The following CSE1L variants were observed in gnomAD, a reference collection of about 807,000 sequenced individuals.
The protein encoded by CSE1L is chromosome segregation 1 like.
Under a neutral mutation model 120.4 loss-of-function variants are expected in CSE1L, and 24 were observed. That is an observed-to-expected ratio of 0.20 (90% confidence interval 0.14 to 0.28). The LOEUF is 0.28. CSE1L is among the 10% of genes least tolerant of loss of function. The pLI is 1.00. For synonymous variants in CSE1L, 402 were observed against 398.3 expected (o/e 1.01, Z -0.11); for missense variants, 830 against 1,145.2 (o/e 0.72, Z 3.97).
chr20:49,057,063 C>T (rs917348914), intron 1 of CSE1L, among the ~76,000 whole-genome samples: 3 of 152,120 alleles, frequency 2.0e-5, no homozygotes, highest in African/African-American at 4.8e-5. Context: ...CGGTGGCTCA[C>T]GCCTGTAATC....
chr20:49,085,341 G>A lies in CSE1L; in HGVS notation c.1678G>A (p.Ala560Thr). Residue 560 changes from alanine (A) to threonine (T), a missense_variant, in exon 16 of 25, where the codon GCT becomes ACT. This residue lies in a region of CSE1L where 168 missense variants were observed against 267.9 expected (regional missense o/e 0.63). Coordinates refer to ENST00000262982, the MANE Select transcript of CSE1L (RefSeq NM_001316.4). ...VEILLTNLFK[A>T]LTLPGSSENE... The stretch of plus-strand genomic sequence containing the variant: ...GATTCTGCTAACAAACCTTTTCAAA[G>A]CTCTCACACTTCCTGGCTCTTCAGA... 1.2e-6 allele frequency: 2 copies of A among 1,613,908 alleles called. No individual in the cohort carries two copies. The highest frequency in any genetic ancestry group is 2.2e-5 in the East Asian group (1 of 44,870).
Position 49,065,586 on chromosome 20 carries a change from A to ATTTTTTTTTTTTT in CSE1L, c.229-592_229-580dup, listed in dbSNP as rs1169151375. Among the ~76,000 whole-genome samples, 63 of 76,354 alleles carry ATTTTTTTTTTTTT rather than the reference A, an allele frequency of 8.3e-4. 7 individuals are homozygous for ATTTTTTTTTTTTT. The highest frequency in any genetic ancestry group is 1.1e-3 in the Non-Finnish European group (47 of 42,632). The allele number at this position is 76,354 out of a possible 152,430, so 50.1% of individuals were successfully genotyped here. A position where few individuals can be genotyped will look rare whatever the true frequency, so the allele number is the denominator to read the frequency against. On this transcript the variant is annotated intron_variant, in intron 3 of 24. Transcript: ENST00000262982. ...CCATCGCACCTGGCCTAAAATGGAA[A>ATTTTTTTTTTTTT]TTTTTTTTTTTTTTTTTTTTTTTTT... is the stretch of plus-strand genomic sequence containing the variant.
chr20:49,051,265 G>C (rs1240795966), intron 1 of CSE1L, among the ~76,000 whole-genome samples: 1 of 152,248 alleles, frequency 6.6e-6, no homozygotes, highest in East Asian at 1.9e-4. Context: ...GTCCTTCCAG[G>C]CCGGGCACGG....
chr20:49,071,271 A>T (rs987274854), intron 8 of CSE1L, among the ~76,000 whole-genome samples: 1 of 152,218 alleles, frequency 6.6e-6, no homozygotes, highest in African/African-American at 2.4e-5. Context: ...ACTTTAAAAG[A>T]TGTAGCTCTC....
chr20:49,075,364 A>T lies in CSE1L; in HGVS notation c.1179A>T (p.Leu393Phe), dbSNP rs2091961871. ...RRAACDLVRG[L>F]CKFFEGPVTG... ...CTGCTTGTGATCTGGTACGAGGATTATGCAAGTTTTTTGAGGGACCTGTGA... is the reference window on the plus strand; with the variant it reads ...CTGCTTGTGATCTGGTACGAGGATTTTGCAAGTTTTTTGAGGGACCTGTGA... Residue 393 changes from leucine (L) to phenylalanine (F), a missense_variant, in exon 12 of 25, where the codon TTA (leucine) becomes TTT (phenylalanine). By Grantham distance (22) the Leu-to-Phe change is conservative. This residue lies in a region of CSE1L where 543 missense variants were observed against 640.2 expected (regional missense o/e 0.85). Coordinates refer to ENST00000262982, the MANE Select transcript of CSE1L (RefSeq NM_001316.4). 1 of 1,613,916 alleles carries T rather than the reference A, an allele frequency of 6.2e-7. No homozygotes were observed. Among genetic ancestry groups the T allele is most frequent in the Non-Finnish European group, 8.5e-7 (1 of 1,180,012 alleles).
chr20:49,087,388 C>T (rs1391032397), intron 16 of CSE1L, among the ~76,000 whole-genome samples: 3 of 138,222 alleles, frequency 2.2e-5, no homozygotes, highest in Non-Finnish European at 4.6e-5. Context: ...GAGGGAGTCT[C>T]GCTCTGTCTC....
intron 13 of CSE1L, 41 bp downstream of exon 13, chr20:49,077,105 C>G: frequency 1.7e-6 from 2 of 1,189,530 alleles, no homozygotes; most frequent in Non-Finnish European, 2.4e-6. Context: ...GCTTGCCACA[C>G]TATACCTGAA....
Position 49,075,445 on chromosome 20 carries a change from A to G in CSE1L, c.1260A>G (p.Pro420=). ...TGCTGCAGGAATACGCAAAAAATCC[A>G]TCTGTCAACTGGAAACACAAAGATG... The part of the protein sequence containing the change: ...NSMLQEYAKN[P]SVNWKHKDAA... Residue 420 remains proline (P), a synonymous_variant, in exon 12 of 25, where the codon CCA becomes CCG. Coordinates refer to ENST00000262982, the MANE Select transcript of CSE1L (RefSeq NM_001316.4). 3.1e-6 allele frequency: 5 copies of G among 1,614,138 alleles called. No homozygotes were observed. The East Asian group carries it at 8.9e-5, about 29-fold the overall frequency.
intron 2 of CSE1L, among the ~76,000 whole-genome samples, chr20:49,059,796 C>T (rs2091837696): frequency 6.6e-6 from 1 of 151,998 alleles, no homozygotes; most frequent in African/African-American, 2.4e-5. Flanking sequence ...AGGAGAATTG[C>T]TTGAACCTGG....
rs899186134 is a variant in CSE1L, at chr20:49,047,967, TTCTC to T, written c.-12+1549_-12+1552del. ...CAAGGACCTTGTCTGTCTTGCTTAC[TTCTC>T]TCTCCCTGGTGGGTGCCATCCCACC... is the stretch of plus-strand genomic sequence containing the variant. On this transcript the variant is annotated intron_variant, in intron 1 of 24. Transcript: ENST00000262982. Among the ~76,000 whole-genome samples the T allele has an allele frequency of 3.3e-5, 5 of 152,284 alleles. No individual in the cohort carries two copies. The East Asian group carries it at 5.8e-4, about 18-fold the overall frequency.
intron 3 of CSE1L, among the ~76,000 whole-genome samples, chr20:49,065,874 G>A (rs1328797458): frequency 2.0e-5 from 3 of 152,166 alleles, no homozygotes; most frequent in Non-Finnish European, 4.4e-5. Flanking sequence ...GATTATAGGC[G>A]TGAGCCACTG....
chr20:49,063,712 A>C (rs2091869673), intron 3 of CSE1L, among the ~76,000 whole-genome samples: 1 of 152,234 alleles, frequency 6.6e-6, no homozygotes, highest in Admixed American at 6.5e-5. Context: ...TTATGTTTGG[A>C]ATTTATGCTT....
chr20:49,086,472 TC>T (rs1353750972), intron 16 of CSE1L, among the ~76,000 whole-genome samples: 3 of 147,466 alleles, frequency 2.0e-5, no homozygotes, highest in African/African-American at 7.6e-5. Flanking sequence ...TTCAAGCGAT[TC>T]GCCTGCCTCA....
chr20:49,072,408 C>G lies in CSE1L; in HGVS notation c.891C>G (p.Ile297Met), dbSNP rs1355602647. 3.7e-6 allele frequency: 6 copies of G among 1,614,170 alleles called. No homozygotes were observed. The highest frequency in any genetic ancestry group is 8.5e-7 in the Non-Finnish European group (1 of 1,180,032). Residue 297 changes from isoleucine to methionine, a missense_variant, in exon 9 of 25, where the codon ATC becomes ATG. Transcript: ENST00000262982. ...ACCTGCCTCGTTTTGTTACAGCCAT[C>G]TGGAATTTACTAGTTACAACGGGTC... is the stretch of plus-strand genomic sequence containing the variant. ...QRYLPRFVTA[I>M]WNLLVTTGQE...
intron 22 of CSE1L, among the ~76,000 whole-genome samples, chr20:49,093,659 G>A (rs1470392620): frequency 6.8e-6 from 1 of 146,130 alleles, no homozygotes; most frequent in Admixed American, 7.1e-5. Context: ...GCTCACGCCT[G>A]TAATCCTAGC....
chr20:49,085,447 A>G, intron 16 of CSE1L, 61 bp downstream of exon 16: 2 of 1,182,250 alleles, frequency 1.7e-6, no homozygotes, highest in African/African-American at 1.5e-5. Flanking sequence ...AAGGGTGAGC[A>G]CTCTGAGTTA....
chr20:49,093,350 G>T (rs1052842222), intron 22 of CSE1L, among the ~76,000 whole-genome samples: 2 of 152,128 alleles, frequency 1.3e-5, no homozygotes, highest in African/African-American at 4.8e-5. Context: ...ATAAACTGAG[G>T]ATTTTGCATC....
Position 49,092,268 on chromosome 20 carries a change from T to C in CSE1L, c.2447+141T>C, listed in dbSNP as rs1600551895. The C allele has an allele frequency of 2.7e-5, 15 of 553,062 alleles. No homozygotes were observed. In the East Asian group the frequency reaches 4.5e-4, roughly 17 times the overall value. 34.3% of individuals were successfully genotyped at this position (553,062 alleles called of 1,614,324 possible). ...CTATGGTTTTCAAAATATTCTTAGGTATTGGGAGTAAAGAAAAAGTAATCC... is the reference window on the plus strand; with the variant it reads ...CTATGGTTTTCAAAATATTCTTAGGCATTGGGAGTAAAGAAAAAGTAATCC... On this transcript the variant is annotated intron_variant, in intron 22 of 24. Coordinates refer to ENST00000262982, the MANE Select transcript of CSE1L (RefSeq NM_001316.4).
intron 2 of CSE1L, among the ~76,000 whole-genome samples, chr20:49,059,222 A>G (rs189536581): frequency 5.3e-5 from 8 of 152,324 alleles, no homozygotes; most frequent in African/African-American, 1.9e-4. Context: ...AATGAAGCCA[A>G]GTAATCAGTT....
Sources: gnomAD v4.1 joint callset for allele counts (sites outside exome capture counted in the v4.1 genomes callset) on GRCh38, gnomAD v4.1.1 for gene constraint, gnomAD v4.1.1 regional missense constraint, MANE v1.5 for transcripts, NCBI Gene and HGNC (gene_info 2026-07-23, HGNC 2026-07-21) for gene names.